Variants in KDM4C observed in about 807,000 individuals in gnomAD.
The protein encoded by KDM4C is lysine-specific demethylase 4C.
Under a neutral mutation model 129.3 loss-of-function variants are expected in KDM4C, and 81 were observed. The ratio of observed to expected loss-of-function variants is 0.63; its 90% CI spans 0.52 to 0.75. KDM4C has a LOEUF of 0.75. KDM4C is among the 30% of genes least tolerant of loss of function. KDM4C has a pLI of 0.00. For missense variants in KDM4C, 1,457 were observed against 1,304.0 expected, an observed-to-expected ratio of 1.12 and a Z score of -1.81; for synonymous variants, 573 against 456.1, an observed-to-expected ratio of 1.26 and a Z score of -3.26.
intron 11 of KDM4C, among the ~76,000 whole-genome samples, chr9:6,989,032 ATTTT>A (rs1289923536): frequency 6.6e-6 from 1 of 152,150 alleles, no homozygotes; most frequent in African/African-American, 2.4e-5. Flanking sequence ...ACCTGATGTA[ATTTT>A]TCCTGCTATA....
intron 5 of KDM4C, among the ~76,000 whole-genome samples, chr9:6,875,437 T>C (rs1843401225): frequency 6.6e-6 from 1 of 152,204 alleles, no homozygotes; most frequent in South Asian, 2.1e-4. Flanking sequence ...GGTGTTTTGT[T>C]GTATCTTATT....
chr9:6,910,389 C>T (rs1451510630), intron 8 of KDM4C, among the ~76,000 whole-genome samples: 2 of 151,932 alleles, frequency 1.3e-5, no homozygotes, highest in Non-Finnish European at 2.9e-5. Flanking sequence ...ATGTTATTAC[C>T]CCCATCTTAT....
intron 4 of KDM4C, among the ~76,000 whole-genome samples, chr9:6,841,278 T>A (rs1836863240): frequency 6.6e-6 from 1 of 152,110 alleles, no homozygotes; most frequent in Non-Finnish European, 1.5e-5. Flanking sequence ...AGATGGGGGC[T>A]CATAGCTTTG....
intron 5 of KDM4C, among the ~76,000 whole-genome samples, chr9:6,863,834 GC>G (rs1206586587): frequency 6.6e-6 from 1 of 150,600 alleles, no homozygotes; most frequent in Non-Finnish European, 1.5e-5. Context: ...GGAAGGGAGG[GC>G]CAGGCTCTTT....
intron 17 of KDM4C, among the ~76,000 whole-genome samples, chr9:7,090,984 TG>T (rs1835727455): frequency 6.6e-6 from 1 of 152,296 alleles, no homozygotes; most frequent in South Asian, 2.1e-4. Flanking sequence ...TTAATACTAG[TG>T]GAGCATGGAT....
chr9:7,056,252 G>A (rs1318384355), intron 17 of KDM4C, among the ~76,000 whole-genome samples: 2 of 151,900 alleles, frequency 1.3e-5, no homozygotes, highest in Non-Finnish European at 2.9e-5. Flanking sequence ...ATTTAACACG[G>A]CCAGTATAAA....
At chr9:6,791,492 G>A (rs185439614) in intron 1 of KDM4C, among the ~76,000 whole-genome samples, 2 of 152,264 alleles carry the variant, frequency 1.3e-5, no homozygotes, top group East Asian at 1.9e-4. Flanking sequence ...TGTCTCCATC[G>A]TCATTCTTTT....
intron 16 of KDM4C, among the ~76,000 whole-genome samples, chr9:7,048,121 G>T (rs555778698): frequency 1.3e-5 from 2 of 152,188 alleles, no homozygotes; most frequent in South Asian, 4.1e-4. Flanking sequence ...CTAGTTCTTG[G>T]ATATTGCACT....
intron 4 of KDM4C, among the ~76,000 whole-genome samples, chr9:6,839,271 C>G (rs2129759041): frequency 6.6e-6 from 1 of 152,202 alleles, no homozygotes; most frequent in Non-Finnish European, 1.5e-5. Flanking sequence ...ACTCGGTTAC[C>G]CAGGCTAGAG....
intron 1 of KDM4C, among the ~76,000 whole-genome samples, chr9:6,774,390 C>T (rs1261648567): frequency 1.3e-5 from 2 of 151,664 alleles, no homozygotes; most frequent in African/African-American, 4.8e-5. Context: ...TTACGCTGGG[C>T]GTGGTGGCTC....
chr9:6,734,763 C>T (rs1817467702), intron 1 of KDM4C: 3 of 373,082 alleles, frequency 8.0e-6, no homozygotes, highest in Middle Eastern at 9.3e-4. Context: ...AAGCCTCTCA[C>T]CTACTTAAAA....
intron 8 of KDM4C, among the ~76,000 whole-genome samples, chr9:6,895,756 TAAGAA>T (rs1481416774): frequency 6.6e-6 from 1 of 152,034 alleles, no homozygotes; most frequent in Non-Finnish European, 1.5e-5. Context: ...AAACAAAAAT[TAAGAA>T]AAAAGAATAT....
At chr9:6,919,255 C>T (rs200869198) in intron 8 of KDM4C, among the ~76,000 whole-genome samples, 1 of 122,522 alleles carries the variant, frequency 8.2e-6, no homozygotes, top group African/African-American at 3.3e-5. Flanking sequence ...TCTTTTCTTT[C>T]TTTCTTTCTT....
In KDM4C at chr9:6,935,579, G is replaced by A. The variant is rs191676840; in HGVS notation, c.921+42347G>A. On this transcript the variant is annotated intron_variant, in intron 8 of 21. Coordinates refer to ENST00000381309, the MANE Select transcript of KDM4C (RefSeq NM_015061.6). ...ATTACAGGTGCGCGCCACCACGCCC[G>A]GCTAATTTTTTTTTTTTTTGAGATG... is the stretch of plus-strand genomic sequence containing the variant. 5.1e-3 allele frequency among the ~76,000 whole-genome samples: 721 copies of A among 142,614 alleles called. 5 individuals are homozygous for A. Among genetic ancestry groups the A allele is most frequent in the African/African-American group, 0.017 (697 of 40,246 alleles). The allele number at this position is 142,614 out of a possible 152,430, so 93.6% of individuals were successfully genotyped here. A position where few individuals can be genotyped will look rare whatever the true frequency, so the allele number is the denominator to read the frequency against.
chr9:6,848,718 C>T (rs1838305913), intron 4 of KDM4C, among the ~76,000 whole-genome samples: 1 of 152,106 alleles, frequency 6.6e-6, no homozygotes, highest in Non-Finnish European at 1.5e-5. Flanking sequence ...AGAATCTTTT[C>T]CTATCACCTT....
intron 4 of KDM4C, among the ~76,000 whole-genome samples, chr9:6,836,181 G>A (rs1835837316): frequency 6.6e-6 from 1 of 152,142 alleles, no homozygotes; most frequent in South Asian, 2.1e-4. Context: ...ACTGGGTGTG[G>A]TGGCTCACGC....
chr9:6,742,161 T>C (rs1404180759), intron 1 of KDM4C, among the ~76,000 whole-genome samples: 1 of 149,254 alleles, frequency 6.7e-6, no homozygotes, highest in African/African-American at 2.6e-5. Flanking sequence ...TTAGTAGAGA[T>C]GAGGTTTCAC....
At chr9:6,947,165 T>C (rs1030520851) in intron 8 of KDM4C, among the ~76,000 whole-genome samples, 42 of 152,198 alleles carry the variant, frequency 2.8e-4, no homozygotes, top group African/African-American at 9.6e-4. Flanking sequence ...TTGCGCCAAA[T>C]TTCTCTGAAG....
chr9:6,804,625 G>T (rs912459360), intron 2 of KDM4C, among the ~76,000 whole-genome samples: 5 of 151,898 alleles, frequency 3.3e-5, no homozygotes, highest in African/African-American at 1.2e-4. Flanking sequence ...GGGCGTGGTG[G>T]CAGGCGCCTG....
Sources: allele counts gnomAD v4.1 joint callset (sites outside exome capture counted in the v4.1 genomes callset), GRCh38; gene constraint gnomAD v4.1.1; transcripts MANE v1.5; gene names NCBI Gene and HGNC (gene_info 2026-07-23, HGNC 2026-07-21).